Variants in DPRX observed in about 807,000 individuals in gnomAD.
DPRX encodes the protein divergent-paired related homeobox, also known as divergent paired-related homeobox.
Under a neutral mutation model 8.4 loss-of-function variants are expected in DPRX, and 11 were observed. That is an observed-to-expected ratio of 1.31 (90% CI 0.82 to 2.17). The LOEUF (loss-of-function observed/expected upper bound fraction) is 2.17. Ranked by LOEUF, DPRX falls within the 30% of genes most tolerant of loss-of-function variation. The pLI is 0.00. For synonymous variants in DPRX, 72 were observed against 87.0 expected (o/e 0.83, Z 0.96); for missense variants, 211 against 236.7 (o/e 0.89, Z 0.71).
the DPRX span, among the ~76,000 whole-genome samples, chr19:53,610,174 C>T: frequency 1.1e-4 from 3 of 26,550 alleles, no homozygotes; most frequent in Admixed American, 9.4e-4. Context: ...AAAAATTAGG[C>T]GGGTGTGGTG....
At chr19:53,617,048 A>T in the DPRX span, 1 of 1,251,184 alleles carries the variant, frequency 8.0e-7, no homozygotes, top group South Asian at 1.2e-5. Context: ...GTAAGTGGAC[A>T]ATATTATTAT....
chr19:53,631,948 C>G, upstream of DPRX: 1 of 925,878 alleles, frequency 1.1e-6, no homozygotes, highest in Non-Finnish European at 1.7e-6. Flanking sequence ...CCAGGGGGCT[C>G]TGGAGGACCG....
At chr19:53,603,517 C>T in the DPRX span, 52 of 409,626 alleles carry the variant, frequency 1.3e-4, no homozygotes, top group Middle Eastern at 3.5e-4. Context: ...TTCGGCTTCT[C>T]GTTCTTGCTG....
the DPRX span, among the ~76,000 whole-genome samples, chr19:53,608,904 A>G: frequency 0.75 from 109,084 of 144,956 alleles, 41,332 homozygotes; most frequent in East Asian, 0.83. Flanking sequence ...GCAGTGAGCC[A>G]AGATCGCGCC....
chr19:53,636,409 A>G lies in DPRX; in HGVS notation c.184-187A>G, dbSNP rs184592683. On this transcript the variant is annotated intron_variant, in intron 2 of 2. Coordinates refer to ENST00000376650, the Ensembl canonical transcript of DPRX. ...AATAAAAATAAATAAATAAATAAAT[A>G]TTAGGAGAGTTTAAGGGCCAAAAAA... is the stretch of plus-strand genomic sequence containing the variant. Among the ~76,000 whole-genome samples, 43 of 147,334 alleles carry G rather than the reference A, an allele frequency of 2.9e-4. 2 individuals carry two copies. The highest frequency in any genetic ancestry group is 2.9e-3 in the Admixed American group (42 of 14,710).
the DPRX span, among the ~76,000 whole-genome samples, chr19:53,617,941 C>G: frequency 6.6e-6 from 1 of 151,882 alleles, no homozygotes; most frequent in South Asian, 2.1e-4. Context: ...AGTTCCAGAC[C>G]AGCCTGGCCA....
At chr19:53,613,182 T>C in the DPRX span, among the ~76,000 whole-genome samples, 1 of 152,108 alleles carries the variant, frequency 6.6e-6, no homozygotes. Context: ...AGCCTTTGTT[T>C]TGAGGTTATC....
Position 53,634,522 on chromosome 19 carries a change from T to C in DPRX, c.29-9T>C, listed in dbSNP as rs1217512432. ...TTTCCCATTTGTGTCTTTTTCCTCC[T>C]CTTTCAAGGCAAGGACCAGATGCAT... On this transcript the variant is annotated splice_polypyrimidine_tract_variant and intron_variant, in intron 1 of 2. Coordinates refer to ENST00000376650, the Ensembl canonical transcript of DPRX. 1.6e-5 allele frequency: 26 copies of C among 1,600,840 alleles called. No homozygotes were observed. Among genetic ancestry groups the C allele is most frequent in the Non-Finnish European group, 2.0e-5 (23 of 1,175,990 alleles).
At chr19:53,630,149 G>C (rs2091086817), upstream of DPRX, 1 of 151,080 alleles carries the variant, frequency 6.6e-6, no homozygotes, top group Non-Finnish European at 1.5e-5. Flanking sequence ...GGAGGCAGAG[G>C]TTGCAGTGAG....
At chr19:53,628,823 A>G (rs2091080507), upstream of DPRX, among the ~76,000 whole-genome samples, 1 of 151,484 alleles carries the variant, frequency 6.6e-6, no homozygotes, top group Non-Finnish European at 1.5e-5. Context: ...TCCTGACCTC[A>G]GGTGATCCAC....
chr19:53,617,232 C>A, the DPRX span: 1 of 801,844 alleles, frequency 1.2e-6, no homozygotes, highest in Non-Finnish European at 2.3e-6. Context: ...GAGAATGAAA[C>A]TACCGGGCTC....
the DPRX span, chr19:53,616,791 T>C: frequency 1.9e-6 from 3 of 1,576,724 alleles, no homozygotes; most frequent in East Asian, 2.2e-5. Flanking sequence ...GAATGGCCCT[T>C]GCTGCCACCA....
At chr19:53,618,010 G>T in the DPRX span, among the ~76,000 whole-genome samples, 2 of 151,092 alleles carry the variant, frequency 1.3e-5, no homozygotes, top group South Asian at 2.1e-4. Context: ...TGGTGGTGGC[G>T]GGGCACCTGT....
chr19:53,616,184 G>A, the DPRX span, among the ~76,000 whole-genome samples: 871 of 151,934 alleles, frequency 5.7e-3, 10 homozygotes, highest in African/African-American at 0.02. Flanking sequence ...TCCAGGAGGC[G>A]GAGGTTGCAG....
the DPRX span, among the ~76,000 whole-genome samples, chr19:53,617,566 A>C: frequency 7.1e-6 from 1 of 141,810 alleles, no homozygotes; most frequent in Non-Finnish European, 1.6e-5. Context: ...CTCACCAAAA[A>C]AAAAAAAAAG....
the DPRX span, among the ~76,000 whole-genome samples, chr19:53,616,601 A>C: frequency 6.6e-6 from 1 of 152,174 alleles, no homozygotes; most frequent in South Asian, 2.1e-4. Flanking sequence ...CTAAAAATAC[A>C]AAATTAGCCA....
Position 53,634,622 on chromosome 19 carries a change from C to A in DPRX, c.120C>A (p.Tyr40Ter), listed in dbSNP as rs755357121. ...ACATCTTGTTCAATGAGAACCCATA[C>A]CCAAACCCCAGCCTTCAGAAAGAAA... Residue 40 changes from tyrosine (Y) to a stop codon, truncating the protein, a stop_gained, in exon 2 of 3, where the codon TAC (tyrosine) becomes TAA (stop). Transcript: ENST00000376650. LOFTEE classifies it high-confidence loss of function. 6 of 1,613,904 alleles carry A rather than the reference C, an allele frequency of 3.7e-6. No individual in the cohort carries two copies. In the Admixed American group the frequency reaches 8.3e-5, roughly 22 times the overall value.
chr19:53,610,310 ACT>A, the DPRX span, among the ~76,000 whole-genome samples: 1 of 136,334 alleles, frequency 7.3e-6, no homozygotes, highest in Non-Finnish European at 1.6e-5. Context: ...ACAGAGCAAG[ACT>A]CTGTCTCGAA....
At chr19:53,609,660 G>T in the DPRX span, among the ~76,000 whole-genome samples, 1 of 151,948 alleles carries the variant, frequency 6.6e-6, no homozygotes, top group Non-Finnish European at 1.5e-5. Flanking sequence ...GAGATCAGGG[G>T]TTCTAGACCA....
Sources: allele counts gnomAD v4.1 joint callset (sites outside exome capture counted in the v4.1 genomes callset), GRCh38; gene constraint gnomAD v4.1.1; transcripts MANE v1.5; gene names NCBI Gene and HGNC (gene_info 2026-07-23, HGNC 2026-07-21).